The following PDE11A variants were observed in gnomAD, a reference collection of about 807,000 sequenced individuals.
The protein encoded by PDE11A is dual 3',5'-cyclic-AMP and -GMP phosphodiesterase 11A.
A neutral mutation model predicts 100.5 loss-of-function variants in PDE11A; 100 were observed. That is an observed-to-expected ratio of 1.00 (90% CI 0.85 to 1.18). The LOEUF (loss-of-function observed/expected upper bound fraction) is 1.18, where lower values mean the gene tolerates loss of function less well. Among genes scored for constraint, PDE11A ranks in the 50% most tolerant of loss-of-function variants. The probability of loss-of-function intolerance (pLI) is 0.00; values close to 1 mark genes in which losing one functional copy is unlikely to be tolerated. For missense variants in PDE11A, 1,141 were observed against 1,152.6 expected (o/e 0.99, Z 0.15); for synonymous variants, 381 against 420.8 (o/e 0.91, Z 1.16).
intron 5 of PDE11A, among the ~76,000 whole-genome samples, chr2:177,875,633 A>T (rs1426445696): frequency 1.3e-5 from 2 of 152,036 alleles, no homozygotes; most frequent in African/African-American, 4.8e-5. Flanking sequence ...CGCCCGCCTC[A>T]GCCTCCCAAA....
At chr2:177,736,177 G>C (rs1460100137) in intron 10 of PDE11A, among the ~76,000 whole-genome samples, 1 of 152,080 alleles carries the variant, frequency 6.6e-6, no homozygotes, top group Non-Finnish European at 1.5e-5. Flanking sequence ...GAGTACTCTA[G>C]AACCAGAAGG....
chr2:177,924,976 G>A (rs1295829414), intron 2 of PDE11A, among the ~76,000 whole-genome samples: 5 of 149,032 alleles, frequency 3.4e-5, no homozygotes, highest in Admixed American at 6.7e-5. Flanking sequence ...GAGAATATGC[G>A]GTGTTTGGTT....
chr2:177,760,497 C>T lies in PDE11A; in HGVS notation c.1788+8826G>A, dbSNP rs113393030. Among the ~76,000 whole-genome samples, 1,328 of 152,056 alleles carry T rather than the reference C, an allele frequency of 8.7e-3. 13 individuals are homozygous for T. Among genetic ancestry groups the T allele is most frequent in the African/African-American group, 0.026 (1,058 of 41,488 alleles). ...GCTTGAATTAAAAAATTTGAGTATG[C>T]GAAAATCATAAAAACCCCTAAATGT... On this transcript the variant is annotated intron_variant, in intron 10 of 19. Transcript: ENST00000286063.
At chr2:177,697,526 T>A in intron 14 of PDE11A, 94 bp from the exon 15 acceptor site, 1 of 714,552 alleles carries the variant, frequency 1.4e-6, no homozygotes, top group Non-Finnish European at 2.5e-6. Flanking sequence ...CTGGGAACAT[T>A]AAAAAAATCA....
intron 1 of PDE11A, among the ~76,000 whole-genome samples, chr2:178,064,609 A>T (rs1319865096): frequency 6.6e-6 from 1 of 151,906 alleles, no homozygotes; most frequent in Non-Finnish European, 1.5e-5. Context: ...TGAAGTTACT[A>T]TTCATCCACA....
At chr2:177,661,099 G>T (rs1527405) in intron 19 of PDE11A, among the ~76,000 whole-genome samples, 11,216 of 152,194 alleles carry the variant, frequency 0.074, 497 homozygotes, top group East Asian at 0.18. Flanking sequence ...CTACATGAAG[G>T]TTCTTGCCAC....
At chr2:177,762,585 G>A (rs540893385) in intron 10 of PDE11A, among the ~76,000 whole-genome samples, 8 of 152,186 alleles carry the variant, frequency 5.3e-5, no homozygotes, top group African/African-American at 1.9e-4. Context: ...ACAAAAATGA[G>A]CCCTCCTTTG....
intron 9 of PDE11A, among the ~76,000 whole-genome samples, chr2:177,805,820 A>G (rs2082860700): frequency 1.3e-5 from 2 of 152,214 alleles, no homozygotes; most frequent in Admixed American, 1.3e-4. Context: ...TCAAAAGATT[A>G]TCACTGCCTT....
At chr2:177,803,207 T>C (rs2082818401) in intron 9 of PDE11A, among the ~76,000 whole-genome samples, 1 of 151,550 alleles carries the variant, frequency 6.6e-6, no homozygotes. Context: ...GATGAAATAA[T>C]AGATATAAAG....
At chr2:178,073,128 T>G, upstream of PDE11A, 1 of 938,228 alleles carries the variant, frequency 1.1e-6, no homozygotes, top group Non-Finnish European at 1.3e-6. Flanking sequence ...CAAGTGTTGA[T>G]GTTTTGCAGG....
chr2:177,944,770 C>T (rs1305303580), intron 2 of PDE11A, among the ~76,000 whole-genome samples: 1 of 150,328 alleles, frequency 6.7e-6, no homozygotes, highest in Non-Finnish European at 1.5e-5. Context: ...GCCGAGGACT[C>T]GGTCCCAGTT....
intron 1 of PDE11A, among the ~76,000 whole-genome samples, chr2:178,035,067 A>G (rs1036757373): frequency 8.5e-5 from 13 of 152,166 alleles, no homozygotes; most frequent in Non-Finnish European, 1.8e-4. Context: ...AACCCTTCGA[A>G]AAAAATCAAT....
At chr2:178,042,559 C>T (rs1251588641) in intron 1 of PDE11A, among the ~76,000 whole-genome samples, 1 of 151,838 alleles carries the variant, frequency 6.6e-6, no homozygotes, top group Non-Finnish European at 1.5e-5. Context: ...TAACCTGGAA[C>T]TTTCCCCTTA....
chr2:177,663,814 T>G (rs2080524694), intron 19 of PDE11A, 52 bp downstream of exon 19: 6 of 1,027,076 alleles, frequency 5.8e-6, no homozygotes, highest in Admixed American at 1.7e-5. Context: ...AAATACACAC[T>G]TTTCCTTTTC....
intron 12 of PDE11A, among the ~76,000 whole-genome samples, chr2:177,716,761 T>A (rs980380864): frequency 1.3e-5 from 2 of 152,232 alleles, no homozygotes; most frequent in Non-Finnish European, 2.9e-5. Flanking sequence ...TAGAATTAGC[T>A]GATGAATCAG....
chr2:177,713,720 T>A (rs1367019144), intron 12 of PDE11A, among the ~76,000 whole-genome samples: 1 of 147,382 alleles, frequency 6.8e-6, no homozygotes, highest in Non-Finnish European at 1.5e-5. Flanking sequence ...CAAGACTCCA[T>A]CTCAAACAAA....
At chr2:177,888,009 T>A (rs1034120224) in intron 4 of PDE11A, among the ~76,000 whole-genome samples, 3 of 152,042 alleles carry the variant, frequency 2.0e-5, no homozygotes, top group Non-Finnish European at 2.9e-5. Context: ...CTTCTAGTCA[T>A]GTAAGTTAAT....
At chr2:177,658,444 T>TCTCTCCTCCCCTTCCCTCCTCTGC (rs2080422726) in intron 19 of PDE11A, among the ~76,000 whole-genome samples, 13 of 151,696 alleles carry the variant, frequency 8.6e-5, no homozygotes, top group Admixed American at 8.5e-4. Context: ...TGTCTTTCCT[T>TCTCTCCTCCCCTTCCCTCCTCTGC]CTCTCCTCCC....
intron 10 of PDE11A, among the ~76,000 whole-genome samples, chr2:177,767,708 C>T (rs551045563): frequency 6.6e-6 from 1 of 151,966 alleles, no homozygotes; most frequent in Non-Finnish European, 1.5e-5. Flanking sequence ...TTCTTAATGA[C>T]CAACTGCTTC....
Sources: allele counts gnomAD v4.1 joint callset (sites outside exome capture counted in the v4.1 genomes callset), GRCh38; gene constraint gnomAD v4.1.1; transcripts MANE v1.5; gene names NCBI Gene and HGNC (gene_info 2026-07-23, HGNC 2026-07-21).